Variants in EXOC5 observed in about 807,000 individuals in gnomAD.
EXOC5 encodes the protein SEC10-like 1.
In EXOC5, 17 loss-of-function variants were observed where a neutral mutation model predicts 90.8. The ratio of observed to expected loss-of-function variants is 0.19; its 90% CI spans 0.13 to 0.28. The LOEUF is 0.28. Among genes scored for constraint, EXOC5 ranks in the 10% least tolerant of loss-of-function variants. EXOC5 has a pLI of 1.00. For missense variants in EXOC5, 569 were observed against 830.6 expected, an observed-to-expected ratio of 0.69 and a Z score of 3.87; for synonymous variants, 260 against 270.0, an observed-to-expected ratio of 0.96 and a Z score of 0.36.
chr14:57,212,945 T>C (rs372700999), intron 15 of EXOC5, among the ~76,000 whole-genome samples: 24 of 152,320 alleles, frequency 1.6e-4, no homozygotes, highest in East Asian at 1.2e-3. Flanking sequence ...TTTTTATATT[T>C]TTCATTAACT....
intron 10 of EXOC5, chr14:57,232,446 G>T: frequency 3.2e-6 from 1 of 314,504 alleles, no homozygotes; most frequent in Non-Finnish European, 5.7e-6. Flanking sequence ...CTAATGCTTA[G>T]AGAAAAAATA....
chr14:57,233,725 G>T lies in EXOC5; in HGVS notation c.855+18C>A. On this transcript the variant is annotated intron_variant, in intron 9 of 17. Coordinates refer to ENST00000621441, the MANE Select transcript of EXOC5 (RefSeq NM_006544.4). ...TATTGCTTTAAGAACTATTTAATTT[G>T]TTACTATTTAAAATTACCTGTAGTT... The T allele has an allele frequency of 7.0e-7, 1 of 1,421,020 alleles. No homozygotes were observed. Among genetic ancestry groups the T allele is most frequent in the Non-Finnish European group, 9.8e-7 (1 of 1,021,424 alleles). The allele number at this position is 1,421,020 out of a possible 1,614,324, so 88.0% of individuals were successfully genotyped here. A position where few individuals can be genotyped will look rare whatever the true frequency, so the allele number is the denominator to read the frequency against.
intron 12 of EXOC5, among the ~76,000 whole-genome samples, chr14:57,223,749 C>G (rs1883223116): frequency 6.6e-6 from 1 of 151,922 alleles, no homozygotes; most frequent in Admixed American, 6.6e-5. Flanking sequence ...CTCCATCCAA[C>G]AACATCAGGA....
intron 4 of EXOC5, among the ~76,000 whole-genome samples, chr14:57,241,670 G>A (rs1883861681): frequency 1.3e-5 from 2 of 152,126 alleles, no homozygotes; most frequent in South Asian, 4.1e-4. Context: ...ACAACATTTA[G>A]TCAGTTAAAA....
chr14:57,237,542 G>A, intron 5 of EXOC5, 176 bp from the exon 6 acceptor site: 1 of 483,338 alleles, frequency 2.1e-6, no homozygotes, highest in Non-Finnish European at 3.7e-6. Context: ...ATTGTAAAAA[G>A]AAAAAAGACA....
chr14:57,238,349 C>CAT (rs146486005), intron 5 of EXOC5, among the ~76,000 whole-genome samples: 1,746 of 88,980 alleles, frequency 0.02, 56 homozygotes, highest in Admixed American at 0.07. Flanking sequence ...CCTAATTAGA[C>CAT]ATATATATAT....
At chr14:57,232,537 A>C (rs1234623204) in intron 10 of EXOC5, 130 bp downstream of exon 10, 3 of 523,572 alleles carry the variant, frequency 5.7e-6, no homozygotes, top group South Asian at 6.5e-5. Flanking sequence ...TAGTCTATAC[A>C]GCTAAGCATT....
At chr14:57,257,978 A>G (rs1884399549) in intron 1 of EXOC5, among the ~76,000 whole-genome samples, 1 of 152,228 alleles carries the variant, frequency 6.6e-6, no homozygotes, top group Non-Finnish European at 1.5e-5. Flanking sequence ...TACCAAGCCA[A>G]AACAAAAATC....
chr14:57,259,638 T>C (rs1390293111), intron 1 of EXOC5, among the ~76,000 whole-genome samples: 1 of 152,224 alleles, frequency 6.6e-6, no homozygotes, highest in Admixed American at 6.5e-5. Flanking sequence ...TCTATTCCCG[T>C]TTCTTCTTTG....
At chr14:57,237,867 T>A (rs1053058711) in intron 5 of EXOC5, among the ~76,000 whole-genome samples, 1 of 152,100 alleles carries the variant, frequency 6.6e-6, no homozygotes, top group Non-Finnish European at 1.5e-5. Flanking sequence ...TATATGATGA[T>A]ATATTAATGA....
Position 57,268,346 on chromosome 14 carries a change from C to T in EXOC5, c.27+276G>A. 6.3e-6 allele frequency: 5 copies of T among 793,960 alleles called. No homozygotes were observed. In the South Asian group the frequency reaches 7.4e-5, roughly 12 times the overall value. The allele number at this position is 793,960 out of a possible 1,614,324, so 49.2% of individuals were successfully genotyped here. A position where few individuals can be genotyped will look rare whatever the true frequency, so the allele number is the denominator to read the frequency against. On this transcript the variant is annotated intron_variant, in intron 1 of 17. Coordinates refer to ENST00000621441, the MANE Select transcript of EXOC5 (RefSeq NM_006544.4). ...CACCCGAACCTTCCAGACTTTCCCT[C>T]TTGCCCCCACAAACAAAAGCAACCC...
intron 1 of EXOC5, among the ~76,000 whole-genome samples, chr14:57,249,573 C>T (rs1235118217): frequency 6.6e-6 from 1 of 151,868 alleles, no homozygotes; most frequent in African/African-American, 2.4e-5. Flanking sequence ...AATTGAGGAC[C>T]TACTACGTGC....
chr14:57,239,393 T>C, intron 5 of EXOC5: 1 of 411,392 alleles, frequency 2.4e-6, no homozygotes, highest in Non-Finnish European at 4.3e-6. Flanking sequence ...ATTTAGATAT[T>C]AAGAAGAGAC....
chr14:57,238,481 TA>T (rs771152310), intron 5 of EXOC5, among the ~76,000 whole-genome samples: 16 of 148,826 alleles, frequency 1.1e-4, no homozygotes, highest in Non-Finnish European at 2.4e-4. Flanking sequence ...GAAGACAGGG[TA>T]GGGGGATGCA....
At position 57,204,299 on chromosome 14, in the gene EXOC5, T is replaced by G. The variant is rs1357114713; in HGVS notation, c.*4310A>C. 1 of 152,136 alleles carries G rather than the reference T, an allele frequency of 6.6e-6. No homozygotes were observed. The highest frequency in any genetic ancestry group is 2.4e-5 in the African/African-American group (1 of 41,448). 9.4% of individuals were successfully genotyped at this position (152,136 alleles called of 1,614,324 possible). On this transcript the variant is annotated 3_prime_UTR_variant, in exon 18 of 18. Transcript: ENST00000621441. ...TGTCAGGTTTCTGTCCCCTATACAT[T>G]TGAACAGTTGTTTCCTCCCTAAATT...
intron 15 of EXOC5, among the ~76,000 whole-genome samples, chr14:57,213,771 C>A (rs574815654): frequency 1.3e-5 from 2 of 152,006 alleles, no homozygotes; most frequent in East Asian, 3.9e-4. Flanking sequence ...GAGTTTGAGA[C>A]CAGCCTGGCC....
intron 15 of EXOC5, 124 bp downstream of exon 15, chr14:57,217,858 T>C (rs1594650734): frequency 1.5e-6 from 1 of 646,696 alleles, no homozygotes. Context: ...AAAAATAAAA[T>C]CAAATGTAGC....
rs1021953561 is a variant in EXOC5, at chr14:57,251,780, G to A, written c.28-4068C>T. Among the ~76,000 whole-genome samples the A allele has an allele frequency of 3.3e-5, 5 of 151,876 alleles. No individual in the cohort carries two copies. In the East Asian group the frequency reaches 5.8e-4, roughly 18 times the overall value. Reference sequence around the variant, plus strand: ...TAATGAAACCAGAAGTTGGTTTTCCGAAAAGATCAACAAAATTGAAAAGCC... The same window carrying A: ...TAATGAAACCAGAAGTTGGTTTTCCAAAAAGATCAACAAAATTGAAAAGCC... On this transcript the variant is annotated intron_variant, in intron 1 of 17. Coordinates refer to ENST00000621441, the MANE Select transcript of EXOC5 (RefSeq NM_006544.4).
In EXOC5 at chr14:57,235,699, C is replaced by T. The variant is rs1883635697; in HGVS notation, c.669+12G>A. 1.5e-6 allele frequency: 2 copies of T among 1,319,952 alleles called. No individual in the cohort carries two copies. The allele number at this position is 1,319,952 out of a possible 1,614,324, so 81.8% of individuals were successfully genotyped here. ...CCTTGAACACTATTCATTTTTAATT[C>T]CTACTATTTACCTTAAAATGAAGTA... is the stretch of plus-strand genomic sequence containing the variant. On this transcript the variant is annotated intron_variant, in intron 7 of 17. Coordinates refer to ENST00000621441, the MANE Select transcript of EXOC5 (RefSeq NM_006544.4).
Sources: gnomAD v4.1 joint callset for allele counts (sites outside exome capture counted in the v4.1 genomes callset) on GRCh38, gnomAD v4.1.1 for gene constraint, MANE v1.5 for transcripts, NCBI Gene and HGNC (gene_info 2026-07-23, HGNC 2026-07-21) for gene names.